The following MCCC1 variants were observed in gnomAD, a reference collection of about 807,000 sequenced individuals.
MCCC1 encodes methylcrotonyl-CoA carboxylase subunit 1.
MCCC1 carries 64 observed loss-of-function variants against 83.8 expected under a neutral mutation model. The ratio of observed to expected loss-of-function variants is 0.76; its 90% CI spans 0.62 to 0.94. The LOEUF is 0.94. Among genes scored for constraint, MCCC1 ranks in the 40% least tolerant of loss-of-function variants. The probability of loss-of-function intolerance (pLI) is 0.00; values close to 1 mark genes in which losing one functional copy is unlikely to be tolerated. For synonymous variants in MCCC1, 322 were observed against 315.4 expected (o/e 1.02, Z -0.22); for missense variants, 807 against 904.7 (o/e 0.89, Z 1.39).
rs71185626 is a variant in MCCC1, at chr3:183,062,350, G to GT, written c.762-4929dup. On this transcript the variant is annotated intron_variant, in intron 7 of 18. Coordinates refer to ENST00000265594, the MANE Select transcript of MCCC1 (RefSeq NM_020166.5). ...TTCTTGCCTGAGTTTTGTTTTTTCA[G>GT]TTTTTTTTTTTTTTTTTTTTTTGAG... 2.7e-3 allele frequency among the ~76,000 whole-genome samples: 276 copies of GT among 102,458 alleles called. 2 individuals carry two copies. Among genetic ancestry groups the GT allele is most frequent in the Middle Eastern group, 0.02 (4 of 196 alleles). The allele number at this position is 102,458 out of a possible 152,430, so 67.2% of individuals were successfully genotyped here.
At chr3:183,020,099 G>T in intron 17 of MCCC1, 31 bp downstream of exon 17, 2 of 1,526,978 alleles carry the variant, frequency 1.3e-6, no homozygotes, top group South Asian at 1.1e-5. Context: ...AAAACTTACT[G>T]AACATCATTC....
Position 183,055,587 on chromosome 3 carries a change from A to T in MCCC1, c.873+1724T>A, listed in dbSNP as rs533169569. Among the ~76,000 whole-genome samples the T allele has an allele frequency of 3.8e-4, 58 of 152,154 alleles. No homozygotes were observed. In the South Asian group the frequency reaches 0.012, roughly 30 times the overall value. On this transcript the variant is annotated intron_variant, in intron 8 of 18. Coordinates refer to ENST00000265594, the MANE Select transcript of MCCC1 (RefSeq NM_020166.5). ...TATCTACATGACAGCTTTCATAACT[A>T]TATGTCCACTTATAATTATATGTTT...
At chr3:183,030,138 T>C (rs1487004822) in intron 14 of MCCC1, among the ~76,000 whole-genome samples, 2 of 151,978 alleles carry the variant, frequency 1.3e-5, no homozygotes, top group South Asian at 2.1e-4. Context: ...TGAAACCCCA[T>C]CTCTACTAAA....
chr3:183,059,219 G>A (rs1040588227), intron 7 of MCCC1, among the ~76,000 whole-genome samples: 4 of 152,204 alleles, frequency 2.6e-5, no homozygotes, highest in African/African-American at 9.6e-5. Flanking sequence ...AGAGGCATGA[G>A]AATCACTTGA....
intron 8 of MCCC1, among the ~76,000 whole-genome samples, chr3:183,053,829 A>G (rs1715187905): frequency 6.6e-6 from 1 of 151,076 alleles, no homozygotes; most frequent in East Asian, 1.9e-4. Context: ...AAAAAACAAA[A>G]AAAAATTAAA....
At chr3:183,041,278 T>C (rs1055303857) in intron 11 of MCCC1, among the ~76,000 whole-genome samples, 1 of 152,208 alleles carries the variant, frequency 6.6e-6, no homozygotes, top group Non-Finnish European at 1.5e-5. Flanking sequence ...AAATCATTTT[T>C]GGAATGAGGC....
At chr3:183,024,518 TAAGTA>T (rs1412258265) in intron 15 of MCCC1, among the ~76,000 whole-genome samples, 2 of 151,376 alleles carry the variant, frequency 1.3e-5, no homozygotes, top group Non-Finnish European at 2.9e-5. Flanking sequence ...AAATGGCCAA[TAAGTA>T]AAGATGCTCA....
At chr3:183,099,285 C>T (rs1718973908) in intron 1 of MCCC1, 67 bp downstream of exon 1, 7 of 1,527,762 alleles carry the variant, frequency 4.6e-6, no homozygotes, top group African/African-American at 1.4e-5. Flanking sequence ...CACCTCCCAC[C>T]GCTCACGCGG....
At chr3:183,025,727 A>G in intron 15 of MCCC1, 28 bp downstream of exon 15, 2 of 1,604,416 alleles carry the variant, frequency 1.2e-6, no homozygotes, top group South Asian at 1.1e-5. Context: ...TCAGCTCTGC[A>G]CTGTAGAACA....
intron 1 of MCCC1, among the ~76,000 whole-genome samples, chr3:183,108,810 G>T (rs769649871): frequency 5.9e-5 from 9 of 152,214 alleles, no homozygotes; most frequent in Non-Finnish European, 1.2e-4. Context: ...CCGAAGTGTA[G>T]AACAGCCCCA....
At chr3:183,061,970 T>G (rs561820113) in intron 7 of MCCC1, among the ~76,000 whole-genome samples, 1 of 152,212 alleles carries the variant, frequency 6.6e-6, no homozygotes. Flanking sequence ...GTTTTTCCCG[T>G]GCTGTTCTTG....
intron 17 of MCCC1, among the ~76,000 whole-genome samples, chr3:183,019,676 T>G (rs1401429878): frequency 6.6e-6 from 1 of 152,236 alleles, no homozygotes; most frequent in Non-Finnish European, 1.5e-5. Flanking sequence ...ACTGCAACTG[T>G]GAATTATATA....
chr3:183,096,866 T>G (rs73052264), intron 1 of MCCC1, among the ~76,000 whole-genome samples: 5,131 of 152,322 alleles, frequency 0.034, 291 homozygotes, highest in African/African-American at 0.12. Flanking sequence ...ATTCTTCAGA[T>G]AGGCTTCTGA....
intron 13 of MCCC1, among the ~76,000 whole-genome samples, 187 bp downstream of exon 13, chr3:183,037,031 T>C (rs536343698): frequency 6.6e-6 from 1 of 152,192 alleles, no homozygotes; most frequent in East Asian, 1.9e-4. Flanking sequence ...ATGGGTTAAA[T>C]AGTGTTTATG....
chr3:183,044,084 A>G (rs189477413), intron 10 of MCCC1, among the ~76,000 whole-genome samples: 60 of 152,362 alleles, frequency 3.9e-4, no homozygotes, highest in Non-Finnish European at 8.2e-4. Flanking sequence ...CAAAAGGAGT[A>G]TCATATTATT....
intron 18 of MCCC1, chr3:183,017,018 G>T (rs1222397989): frequency 5.7e-6 from 3 of 527,428 alleles, no homozygotes; most frequent in Admixed American, 6.3e-5. Context: ...TTGGATTATC[G>T]CCTGATTCCA....
chr3:183,057,571 GT>G, intron 7 of MCCC1, 149 bp from the exon 8 acceptor site: 2 of 718,720 alleles, frequency 2.8e-6, no homozygotes, highest in Admixed American at 4.4e-5. Flanking sequence ...CAAATTAGAG[GT>G]TATGGACTTA....
At chr3:183,106,020 G>T (rs990406684) in intron 1 of MCCC1, among the ~76,000 whole-genome samples, 1 of 148,818 alleles carries the variant, frequency 6.7e-6, no homozygotes, top group East Asian at 2.0e-4. Context: ...ACCTGGGAGG[G>T]GGAGGTTGCA....
chr3:183,078,092 T>C (rs928273467), intron 4 of MCCC1, among the ~76,000 whole-genome samples: 2 of 152,188 alleles, frequency 1.3e-5, no homozygotes, highest in Admixed American at 1.3e-4. Context: ...TGATCTTGGC[T>C]CACTGCAACC....
Sources: gnomAD v4.1 joint callset for allele counts (sites outside exome capture counted in the v4.1 genomes callset) on GRCh38, gnomAD v4.1.1 for gene constraint, MANE v1.5 for transcripts, NCBI Gene and HGNC (gene_info 2026-07-23, HGNC 2026-07-21) for gene names.